The following SLC9C2 variants were observed in gnomAD, a reference collection of about 807,000 sequenced individuals.
SLC9C2 encodes solute carrier family 9 member C2 (putative), also known as sodium/hydrogen exchanger 11.
Under a neutral mutation model 140.2 loss-of-function variants are expected in SLC9C2, and 75 were observed. The observed-to-expected ratio is 0.53, with a 90% CI of 0.44 to 0.65. The LOEUF (loss-of-function observed/expected upper bound fraction) is 0.65. Among genes scored for constraint, SLC9C2 ranks in the 30% least tolerant of loss-of-function variants. The probability of loss-of-function intolerance (pLI) is 0.00; values close to 1 mark genes in which losing one functional copy is unlikely to be tolerated. For synonymous variants in SLC9C2, 375 were observed against 420.9 expected (o/e 0.89, Z 1.34); for missense variants, 1,074 against 1,331.8 (o/e 0.81, Z 3.01).
chr1:173,529,765 C>A (rs1482162688), intron 18 of SLC9C2, 140 bp downstream of exon 18: 1 of 870,972 alleles, frequency 1.1e-6, no homozygotes, highest in African/African-American at 1.7e-5. Flanking sequence ...TGTAGCACCT[C>A]ATATGATATA....
intron 5 of SLC9C2, among the ~76,000 whole-genome samples, chr1:173,586,582 A>G (rs1665860951): frequency 6.6e-6 from 1 of 152,234 alleles, no homozygotes; most frequent in South Asian, 2.1e-4. Flanking sequence ...ATACACATGT[A>G]TGTTTATTAC....
rs542616537 is a variant in SLC9C2, at chr1:173,515,522, T to C, written c.2907+2015A>G. Reference sequence around the variant, plus strand: ...TTTCAGCTCCATCAGGTCATCTATGTTCCTTTCTAAACTAGTTATTCTAGT... The same window carrying C: ...TTTCAGCTCCATCAGGTCATCTATGCTCCTTTCTAAACTAGTTATTCTAGT... On this transcript the variant is annotated intron_variant, in intron 23 of 27. Transcript: ENST00000367714. Among the ~76,000 whole-genome samples the C allele has an allele frequency of 2.0e-5, 3 of 152,338 alleles. No individual in the cohort carries two copies. The South Asian group carries it at 6.2e-4, about 32-fold the overall frequency.
intron 26 of SLC9C2, among the ~76,000 whole-genome samples, chr1:173,504,986 A>T (rs1017115809): frequency 6.6e-6 from 1 of 152,178 alleles, no homozygotes; most frequent in Non-Finnish European, 1.5e-5. Flanking sequence ...AACAGAGTGC[A>T]TTGCAGAAGC....
chr1:173,574,966 A>G (rs1441492471), intron 8 of SLC9C2, among the ~76,000 whole-genome samples: 1 of 152,070 alleles, frequency 6.6e-6, no homozygotes, highest in East Asian at 1.9e-4. Context: ...AAAAAATACG[A>G]AAAATTAGCC....
chr1:173,504,546 C>A (rs1478664928), intron 26 of SLC9C2, among the ~76,000 whole-genome samples: 1 of 152,080 alleles, frequency 6.6e-6, no homozygotes, highest in African/African-American at 2.4e-5. Flanking sequence ...ATTGTAAACA[C>A]TGGGATGGTG....
chr1:173,550,998 C>T (rs892542667), intron 11 of SLC9C2, among the ~76,000 whole-genome samples: 7 of 151,958 alleles, frequency 4.6e-5, no homozygotes, highest in East Asian at 1.9e-4. Flanking sequence ...ATCTGCCCCA[C>T]GTGCTAGCCT....
intron 27 of SLC9C2, among the ~76,000 whole-genome samples, chr1:173,502,225 G>A (rs73025478): frequency 7.5e-6 from 1 of 132,502 alleles, no homozygotes; most frequent in African/African-American, 2.9e-5. Context: ...GTGAGTCAAG[G>A]TTGTGCCAAT....
chr1:173,569,047 C>T (rs1664675303), intron 9 of SLC9C2, among the ~76,000 whole-genome samples: 1 of 152,082 alleles, frequency 6.6e-6, no homozygotes, highest in Non-Finnish European at 1.5e-5. Flanking sequence ...TTCATTTCTC[C>T]TTCATGTTTG....
intron 9 of SLC9C2, among the ~76,000 whole-genome samples, chr1:173,570,128 C>A (rs1337102554): frequency 2.0e-5 from 3 of 152,168 alleles, no homozygotes; most frequent in Non-Finnish European, 4.4e-5. Context: ...ACCCCAAAAG[C>A]CTACTTGGTG....
intron 4 of SLC9C2, among the ~76,000 whole-genome samples, chr1:173,595,821 T>C (rs1666419908): frequency 1.3e-5 from 2 of 152,172 alleles, no homozygotes; most frequent in South Asian, 4.1e-4. Flanking sequence ...ACTCTTTTGG[T>C]GTACAGTTAT....
At chr1:173,509,301 C>T (rs1196213664) in intron 24 of SLC9C2, among the ~76,000 whole-genome samples, 3 of 151,824 alleles carry the variant, frequency 2.0e-5, no homozygotes, top group African/African-American at 7.3e-5. Flanking sequence ...AAAAATTAGC[C>T]AGAGGTGGGG....
chr1:173,581,794 AT>A, intron 7 of SLC9C2, 52 bp downstream of exon 7: 1 of 1,381,792 alleles, frequency 7.2e-7, no homozygotes, highest in East Asian at 2.5e-5. Flanking sequence ...AAAAATAAAC[AT>A]GTATAAAACT....
intron 6 of SLC9C2, 142 bp downstream of exon 6, chr1:173,583,364 A>AT: frequency 1.9e-6 from 1 of 518,100 alleles, no homozygotes; most frequent in South Asian, 3.5e-5. Flanking sequence ...GTCAACTATG[A>AT]TTTTTTTCTT....
intron 9 of SLC9C2, among the ~76,000 whole-genome samples, chr1:173,562,866 T>C (rs1047479997): frequency 1.3e-5 from 2 of 152,152 alleles, no homozygotes; most frequent in African/African-American, 4.8e-5. Flanking sequence ...AGCTGATCCC[T>C]TCCCCCAGGG....
At chr1:173,508,172 A>C (rs983567416) in intron 24 of SLC9C2, among the ~76,000 whole-genome samples, 1 of 152,070 alleles carries the variant, frequency 6.6e-6, no homozygotes, top group African/African-American at 2.4e-5. Context: ...AAATCTAAAA[A>C]AAAATCAGCT....
chr1:173,508,873 A>G (rs1210054355), intron 24 of SLC9C2, among the ~76,000 whole-genome samples: 1 of 152,200 alleles, frequency 6.6e-6, no homozygotes, highest in Non-Finnish European at 1.5e-5. Context: ...CACCTCCACA[A>G]AGATTTTGAA....
intron 23 of SLC9C2, among the ~76,000 whole-genome samples, chr1:173,517,250 G>A (rs1307566339): frequency 3.9e-5 from 6 of 152,126 alleles, no homozygotes; most frequent in African/African-American, 1.2e-4. Context: ...GGCATTTTAC[G>A]TAGATGTTTT....
At chr1:173,511,433 CAT>C (rs1455827025) in intron 23 of SLC9C2, among the ~76,000 whole-genome samples, 3 of 139,544 alleles carry the variant, frequency 2.1e-5, no homozygotes, top group Non-Finnish European at 4.5e-5. Context: ...AGCTTTTTTT[CAT>C]ATGTTTGTTG....
intron 2 of SLC9C2, 45 bp from the exon 3 acceptor site, chr1:173,600,262 G>T: frequency 7.2e-7 from 1 of 1,390,394 alleles, no homozygotes; most frequent in Non-Finnish European, 1.0e-6. Flanking sequence ...TCGAAGTACA[G>T]TTTCTACCAA....
Sources: gnomAD v4.1 joint callset for allele counts (sites outside exome capture counted in the v4.1 genomes callset) on GRCh38, gnomAD v4.1.1 for gene constraint, MANE v1.5 for transcripts, NCBI Gene and HGNC (gene_info 2026-07-23, HGNC 2026-07-21) for gene names.